Variants in DHX8 observed in about 807,000 individuals in gnomAD.
DHX8 encodes the protein ATP-dependent RNA helicase DHX8.
A neutral mutation model predicts 140.7 loss-of-function variants in DHX8; 67 were observed. That is an observed-to-expected ratio of 0.48 (90% confidence interval 0.39 to 0.58). The LOEUF (loss-of-function observed/expected upper bound fraction) is 0.58. Among genes scored for constraint, DHX8 ranks in the 20% least tolerant of loss-of-function variants. The pLI is 0.00. For synonymous variants in DHX8, 533 were observed against 553.2 expected (o/e 0.96, Z 0.51); for missense variants, 887 against 1,550.7 (o/e 0.57, Z 7.19).
At chr17:43,533,408 C>A in intron 2 of DHX8, 1 of 1,504,816 alleles carries the variant, frequency 6.6e-7, no homozygotes, top group Non-Finnish European at 9.1e-7. Context: ...ATCTTTGAAC[C>A]CTTCATTCCT....
Position 43,493,079 on chromosome 17 carries a change from C to T in DHX8, c.863+39C>T, listed in dbSNP as rs549948261. On this transcript the variant is annotated intron_variant, in intron 6 of 22. Coordinates refer to ENST00000262415, the MANE Select transcript of DHX8 (RefSeq NM_004941.3). Reference sequence around the variant, plus strand: ...CTCTTTTGTTCACACCAGTGATGGGCAGAATTTCTTTTATCACTGAGGATG... The same window carrying T: ...CTCTTTTGTTCACACCAGTGATGGGTAGAATTTCTTTTATCACTGAGGATG... 14 of 1,578,178 alleles carry T rather than the reference C, an allele frequency of 8.9e-6. No homozygotes were observed. In the South Asian group the frequency reaches 1.6e-4, roughly 18 times the overall value.
chr17:43,496,992 G>A (rs1302402045), intron 9 of DHX8, among the ~76,000 whole-genome samples: 1 of 152,016 alleles, frequency 6.6e-6, no homozygotes. Flanking sequence ...AGTAGTAAGT[G>A]AGCACCTACG....
rs34829204 is a variant in DHX8, at chr17:43,513,709, C to CTT, written c.2643+227_2643+228dup. Among the ~76,000 whole-genome samples the CTT allele has an allele frequency of 4.9e-3, 523 of 105,876 alleles. 20 individuals carry two copies. Among genetic ancestry groups the CTT allele is most frequent in the African/African-American group, 0.012 (332 of 26,920 alleles). 69.5% of individuals were successfully genotyped at this position (105,876 alleles called of 152,430 possible). A position where few individuals can be genotyped will look rare whatever the true frequency, so the allele number is the denominator to read the frequency against. On this transcript the variant is annotated intron_variant, in intron 17 of 22. Transcript: ENST00000262415. ...CTGATTGATCCTTGAAGTTTTTAAT[C>CTT]TTTTTTTTTTTTTTTTTTTTTGAGA...
intron 16 of DHX8, among the ~76,000 whole-genome samples, chr17:43,511,428 C>T (rs1469196178): frequency 5.0e-5 from 7 of 139,112 alleles, no homozygotes; most frequent in South Asian, 2.3e-4. Context: ...GTGAGCCAGG[C>T]GCAGTGGCTT....
downstream of DHX8, chr17:43,526,462 G>A: frequency 6.5e-7 from 1 of 1,535,122 alleles, no homozygotes; most frequent in Non-Finnish European, 8.7e-7. Flanking sequence ...CATCCCGCCT[G>A]GACGTGATTT....
intron 13 of DHX8, 97 bp from the exon 14 acceptor site, chr17:43,507,406 A>G: frequency 8.1e-7 from 1 of 1,232,736 alleles, no homozygotes; most frequent in Non-Finnish European, 1.1e-6. Context: ...TCAGATTCTT[A>G]AGATTATGAG....
intron 1 of DHX8, among the ~76,000 whole-genome samples, chr17:43,488,199 A>T (rs1221610066): frequency 6.6e-6 from 1 of 151,390 alleles, no homozygotes; most frequent in Non-Finnish European, 1.5e-5. Context: ...AATCGCTTAA[A>T]CTCAGGGGGC....
rs762003325 is a variant in DHX8 at position 43,508,324 on chromosome 17, C to G, written c.2321-15C>G. 8 of 1,604,146 alleles carry G rather than the reference C, an allele frequency of 5.0e-6. No individual in the cohort carries two copies. Among genetic ancestry groups the G allele is most frequent in the Non-Finnish European group, 6.8e-6 (8 of 1,175,332 alleles). On this transcript the variant is annotated splice_polypyrimidine_tract_variant and intron_variant, in intron 15 of 22. Transcript: ENST00000262415. The stretch of plus-strand genomic sequence containing the variant: ...CACACACAGAAAGTAGATGAATGTT[C>G]TATTCTGCTCGTAGGTGATATCCTG...
downstream of DHX8, chr17:43,526,388 A>G (rs1598185512): frequency 2.7e-6 from 4 of 1,506,860 alleles, no homozygotes; most frequent in Non-Finnish European, 3.5e-6. Flanking sequence ...ATATGGCAGG[A>G]CCGTCCCTAT....
At chr17:43,501,681 C>T (rs1969205918) in intron 11 of DHX8, among the ~76,000 whole-genome samples, 1 of 152,036 alleles carries the variant, frequency 6.6e-6, no homozygotes. Context: ...GACGAGGTTC[C>T]TCCATGTTGG....
intron 21 of DHX8, 39 bp from the exon 22 acceptor site, chr17:43,522,008 A>G (rs1312654746): frequency 6.2e-7 from 1 of 1,603,496 alleles, no homozygotes; most frequent in Non-Finnish European, 8.5e-7. Context: ...AGACCTGTGA[A>G]AGCTGAGTGG....
intron 11 of DHX8, among the ~76,000 whole-genome samples, chr17:43,500,690 A>T (rs1000434131): frequency 6.6e-6 from 1 of 151,842 alleles, no homozygotes. Context: ...AGGCGGGCGG[A>T]TCACAAGGTC....
At chr17:43,540,606 A>G (rs1971472172) in intron 3 of DHX8, among the ~76,000 whole-genome samples, 1 of 152,170 alleles carries the variant, frequency 6.6e-6, no homozygotes. Context: ...CAGTGGCACA[A>G]TCAGAGCTCA....
chr17:43,495,153 G>C (rs1968783418), intron 8 of DHX8, among the ~76,000 whole-genome samples: 2 of 152,232 alleles, frequency 1.3e-5, no homozygotes, highest in South Asian at 2.1e-4. Flanking sequence ...CATAACCGTG[G>C]TGTGTCAAGC....
chr17:43,488,257 G>A (rs1375168045), intron 1 of DHX8, among the ~76,000 whole-genome samples: 3 of 151,092 alleles, frequency 2.0e-5, no homozygotes, highest in Admixed American at 6.6e-5. Context: ...CAGCCTGGGC[G>A]ACAGAGCGAG....
intron 3 of DHX8, among the ~76,000 whole-genome samples, chr17:43,537,264 C>A (rs1484637225): frequency 1.3e-5 from 2 of 152,120 alleles, no homozygotes; most frequent in African/African-American, 4.8e-5. Context: ...TACTCAGGAG[C>A]TGAGACAGAA....
chr17:43,503,492 C>T lies in DHX8; in HGVS notation c.1547-1152C>T, dbSNP rs146097768. Among the ~76,000 whole-genome samples the T allele has an allele frequency of 2.6e-3, 383 of 149,924 alleles. 2 individuals carry two copies. Among genetic ancestry groups the T allele is most frequent in the African/African-American group, 8.9e-3 (363 of 40,884 alleles). Reference sequence around the variant, plus strand: ...AGCCTGGACAACAATTGCGAAACTCCATCTAAAAAAAAAAAAAAAAAGTTT... The same window carrying T: ...AGCCTGGACAACAATTGCGAAACTCTATCTAAAAAAAAAAAAAAAAAGTTT... On this transcript the variant is annotated intron_variant, in intron 11 of 22. Coordinates refer to ENST00000262415, the MANE Select transcript of DHX8 (RefSeq NM_004941.3).
At chr17:43,506,099 G>A (rs1298734270) in intron 12 of DHX8, among the ~76,000 whole-genome samples, 1 of 151,788 alleles carries the variant, frequency 6.6e-6, no homozygotes, top group African/African-American at 2.4e-5. Context: ...TACCTCCTGG[G>A]CTCAAGTGAT....
chr17:43,516,366 G>A (rs181539726), intron 17 of DHX8, among the ~76,000 whole-genome samples: 72 of 152,080 alleles, frequency 4.7e-4, no homozygotes, highest in African/African-American at 1.6e-3. Flanking sequence ...ACATTGTTTC[G>A]TAACTTGCAT....
Sources: allele counts gnomAD v4.1 joint callset (sites outside exome capture counted in the v4.1 genomes callset), GRCh38; gene constraint gnomAD v4.1.1; transcripts MANE v1.5; gene names NCBI Gene and HGNC (gene_info 2026-07-23, HGNC 2026-07-21).